Variants in PRPF6 observed in about 807,000 individuals in gnomAD.
The protein encoded by PRPF6 is pre-mRNA-processing factor 6.
PRPF6 carries 42 observed loss-of-function variants against 118.3 expected under a neutral mutation model. The observed-to-expected ratio is 0.35, with a 90% CI of 0.28 to 0.46. PRPF6 has a LOEUF of 0.46. Ranked by LOEUF, PRPF6 falls within the 20% of genes least tolerant of loss-of-function variation. The pLI is 1.00. For synonymous variants in PRPF6, 481 were observed against 485.1 expected (o/e 0.99, Z 0.11); for missense variants, 662 against 1,255.7 (o/e 0.53, Z 7.15).
At position 64,016,771 on chromosome 20, in the gene PRPF6, G is replaced by A. The variant is rs192192899; in HGVS notation, c.1573G>A (p.Val525Ile). 1.4e-5 allele frequency: 22 copies of A among 1,614,128 alleles called. No individual in the cohort carries two copies. The highest frequency in any genetic ancestry group is 5.0e-5 in the Admixed American group (3 of 60,010). The change falls in exon 12 of 21, where the codon GTC becomes ATC. Residue 525 changes from valine to isoleucine, a missense_variant. This residue lies in a region of PRPF6 where 189 missense variants were observed against 323.5 expected (regional missense o/e 0.58). Coordinates refer to ENST00000266079, the MANE Select transcript of PRPF6 (RefSeq NM_012469.4). ...TGGGAGTGTGGCCACCTGCCAGGCC[G>A]TCATGCGTGCCGTGATTGGGATTGG... is the stretch of plus-strand genomic sequence containing the variant. The part of the protein sequence containing the change: ...RAGSVATCQA[V>I]MRAVIGIGIE...
chr20:64,011,422 G>A lies in PRPF6; in HGVS notation c.1443G>A (p.Gln481=). ...AKLEEANGNT[Q]MVEKIIDRAI... is the part of the protein sequence containing the mutation. The stretch of plus-strand genomic sequence containing the variant: ...TGGAGGAAGCCAATGGGAACACGCA[G>A]ATGGTGGAGAAGATCATCGACCGAG... Residue 481 remains glutamine, a synonymous_variant, in exon 11 of 21, where the codon CAG becomes CAA. Coordinates refer to ENST00000266079, the MANE Select transcript of PRPF6 (RefSeq NM_012469.4). The surrounding 1 kb of genome is among the most constrained non-coding windows in gnomAD (Gnocchi z 6.7). 6.2e-7 allele frequency: 1 copy of A among 1,614,254 alleles called. No homozygotes were observed. Among genetic ancestry groups the A allele is most frequent in the East Asian group, 2.2e-5 (1 of 44,894 alleles).
At chr20:63,991,484 A>G (rs540139854) in intron 3 of PRPF6, among the ~76,000 whole-genome samples, 2 of 152,268 alleles carry the variant, frequency 1.3e-5, no homozygotes, top group South Asian at 4.1e-4. Context: ...CCATTAAATT[A>G]AATGTTTTTA....
At chr20:64,024,722 G>C (rs1157753928) in intron 14 of PRPF6, 29 bp downstream of exon 14, 1 of 1,607,556 alleles carries the variant, frequency 6.2e-7, no homozygotes, top group Non-Finnish European at 8.5e-7. Flanking sequence ...TGTGGTGAGG[G>C]GCCTGTGCAC....
intron 4 of PRPF6, among the ~76,000 whole-genome samples, 185 bp downstream of exon 4, chr20:63,993,670 C>T (rs953206877): frequency 6.7e-6 from 1 of 149,352 alleles, no homozygotes; most frequent in African/African-American, 2.4e-5. Context: ...AAAAACCCTT[C>T]CCCTACTGTA....
chr20:64,015,503 G>C (rs2059232889), intron 11 of PRPF6, among the ~76,000 whole-genome samples: 1 of 152,190 alleles, frequency 6.6e-6, no homozygotes. Flanking sequence ...TCCATGTCGT[G>C]GTCCCCCATG....
In PRPF6 at chr20:63,982,955, A is replaced by T. The variant is rs548331813; in HGVS notation, c.72-92A>T. ...TTTGGAGGTTTCCCAAAGGTGTTAG[A>T]AAAAGAGGTGTTAGTAAGTGATAAC... On this transcript the variant is annotated intron_variant, in intron 1 of 20. Coordinates refer to ENST00000266079, the MANE Select transcript of PRPF6 (RefSeq NM_012469.4). The T allele has an allele frequency of 1.5e-4, 222 of 1,461,368 alleles. 2 individuals carry two copies. In the South Asian group the frequency reaches 2.5e-3, roughly 17 times the overall value. 90.5% of individuals were successfully genotyped at this position (1,461,368 alleles called of 1,614,324 possible). A position where few individuals can be genotyped will look rare whatever the true frequency, so the allele number is the denominator to read the frequency against.
chr20:63,985,112 C>G (rs1428080293), intron 3 of PRPF6, 87 bp downstream of exon 3: 1 of 1,087,370 alleles, frequency 9.2e-7, no homozygotes, highest in Admixed American at 1.8e-5. Context: ...GTGTGTAATC[C>G]TAGCACTTTG....
At chr20:64,020,141 G>C (rs573501420) in intron 12 of PRPF6, among the ~76,000 whole-genome samples, 1 of 152,180 alleles carries the variant, frequency 6.6e-6, no homozygotes, top group Non-Finnish European at 1.5e-5. Flanking sequence ...GCGGCCGGGC[G>C]CAGTGGCTCA....
chr20:64,030,869 C>T (rs577284258), intron 19 of PRPF6, among the ~76,000 whole-genome samples: 2 of 152,330 alleles, frequency 1.3e-5, no homozygotes, highest in East Asian at 3.9e-4. Context: ...GAACAGCTGC[C>T]CGGAGTGGAG....
At chr20:63,990,765 C>G (rs372501895) in intron 3 of PRPF6, among the ~76,000 whole-genome samples, 1 of 152,096 alleles carries the variant, frequency 6.6e-6, no homozygotes, top group Non-Finnish European at 1.5e-5. Context: ...CTGCCTCAGC[C>G]TCCCAAGTGG....
In PRPF6 at chr20:63,983,143, T is replaced by C. The variant is rs565730241; in HGVS notation, c.168T>C (p.Val56=). ...DRHAPPGKRT[V]GDQMKKNQAA... is the part of the protein sequence containing the mutation. ...ATGCACCCCCAGGCAAGAGAACCGT[T>C]GGGGACCAGATGAAGAAAAATCAGG... The change falls in exon 2 of 21, where the codon GTT becomes GTC. Residue 56 remains valine, a synonymous_variant. Coordinates refer to ENST00000266079, the MANE Select transcript of PRPF6 (RefSeq NM_012469.4). 103 of 1,614,128 alleles carry C rather than the reference T, an allele frequency of 6.4e-5. 1 individual carries two copies. In the South Asian group the frequency reaches 1.1e-3, roughly 18 times the overall value.
chr20:64,025,335 C>G (rs2059284305), intron 14 of PRPF6, among the ~76,000 whole-genome samples: 1 of 152,202 alleles, frequency 6.6e-6, no homozygotes. Flanking sequence ...CTTCCACCCG[C>G]TCTCTTGGGC....
At chr20:64,031,774 G>C in intron 19 of PRPF6, 144 bp from the exon 20 acceptor site, 1 of 1,063,306 alleles carries the variant, frequency 9.4e-7, no homozygotes, top group Non-Finnish European at 1.5e-6. Flanking sequence ...TGGATCAGCC[G>C]AGGCCCTGAT....
chr20:63,994,620 A>T (rs775808470), intron 4 of PRPF6, among the ~76,000 whole-genome samples: 1 of 152,130 alleles, frequency 6.6e-6, no homozygotes, highest in South Asian at 2.1e-4. Flanking sequence ...AAAAATAAAA[A>T]CTTAGCCAGG....
chr20:64,009,279 C>CAAAA (rs59045216), intron 9 of PRPF6, among the ~76,000 whole-genome samples: 49 of 38,182 alleles, frequency 1.3e-3, no homozygotes, highest in Non-Finnish European at 1.5e-3. Flanking sequence ...GACTCCATCG[C>CAAAA]AAAAAAAAAA....
At position 64,026,872 on chromosome 20, in the gene PRPF6, C is replaced by A; in HGVS notation, c.2029-110C>A. On this transcript the variant is annotated intron_variant, in intron 15 of 20. Coordinates refer to ENST00000266079, the MANE Select transcript of PRPF6 (RefSeq NM_012469.4). This position sits in a 1 kb window ranked among gnomAD's most constrained non-coding sequence, Gnocchi z 4.4. ...GTGTACACAAACAGGCTATGAAAAG[C>A]TTACAAAAGTACACACAGTACTGCA... The A allele has an allele frequency of 8.6e-7, 1 of 1,165,868 alleles. No individual in the cohort carries two copies. The highest frequency in any genetic ancestry group is 1.3e-6 in the Non-Finnish European group (1 of 780,820). 72.2% of individuals were successfully genotyped at this position (1,165,868 alleles called of 1,614,324 possible). A position where few individuals can be genotyped will look rare whatever the true frequency, so the allele number is the denominator to read the frequency against.
rs374600261 is a variant in PRPF6 at position 63,999,034 on chromosome 20, C to T, written c.772-11C>T. On this transcript the variant is annotated splice_polypyrimidine_tract_variant and intron_variant, in intron 6 of 20. Transcript: ENST00000266079. Reference sequence around the variant, plus strand: ...ATGTCCAGCTGACTCTTAGCTTGGCCTGTCTCACAGGTGTCTGACTCCGTG... The same window carrying T: ...ATGTCCAGCTGACTCTTAGCTTGGCTTGTCTCACAGGTGTCTGACTCCGTG... 1 of 1,609,498 alleles carries T rather than the reference C, an allele frequency of 6.2e-7. No homozygotes were observed. The highest frequency in any genetic ancestry group is 1.1e-5 in the South Asian group (1 of 90,686).
At chr20:64,019,461 A>C (rs963397543) in intron 12 of PRPF6, among the ~76,000 whole-genome samples, 1 of 152,102 alleles carries the variant, frequency 6.6e-6, no homozygotes, top group Admixed American at 6.6e-5. Flanking sequence ...AGTGCTCGTG[A>C]TGCTAGAGTA....
chr20:64,027,830 A>G lies in PRPF6; in HGVS notation c.2339+94A>G. The G allele has an allele frequency of 6.4e-7, 1 of 1,561,354 alleles. No homozygotes were observed. Among genetic ancestry groups the G allele is most frequent in the South Asian group, 1.1e-5 (1 of 89,490 alleles). On this transcript the variant is annotated intron_variant, in intron 17 of 20. Coordinates refer to ENST00000266079, the MANE Select transcript of PRPF6 (RefSeq NM_012469.4). This position sits in a 1 kb window ranked among gnomAD's most constrained non-coding sequence, Gnocchi z 6.5. ...GCTGCTTGTGTGGAGTCACTCGTGC[A>G]GTGCTTCCAGGCTCAGGGGCTTGGG...
Sources: gnomAD v4.1 joint callset for allele counts (sites outside exome capture counted in the v4.1 genomes callset) on GRCh38, gnomAD v4.1.1 for gene constraint, gnomAD v4.1.1 regional missense constraint, Gnocchi (gnomAD v3.1) non-coding constraint, MANE v1.5 for transcripts, NCBI Gene and HGNC (gene_info 2026-07-23, HGNC 2026-07-21) for gene names.